The following PLA2G2C variants were observed in gnomAD, a reference collection of about 807,000 sequenced individuals.
The protein encoded by PLA2G2C is phospholipase A2 group IIC.
A neutral mutation model predicts 14.3 loss-of-function variants in PLA2G2C; 15 were observed. The observed-to-expected ratio is 1.05, with a 90% CI of 0.70 to 1.62. The LOEUF (loss-of-function observed/expected upper bound fraction) is 1.62, where lower values mean the gene tolerates loss of function less well. Ranked by LOEUF, PLA2G2C falls within the 40% of genes most tolerant of loss-of-function variation. The pLI, the probability that PLA2G2C is intolerant of heterozygous loss-of-function variation, is 0.00. For synonymous variants in PLA2G2C, 79 were observed against 67.7 expected, an observed-to-expected ratio of 1.17 and a Z score of -0.82; for missense variants, 162 against 173.2, an observed-to-expected ratio of 0.94 and a Z score of 0.36.
chr1:20,178,337 A>C (rs2018221810), intron 1 of PLA2G2C, among the ~76,000 whole-genome samples: 1 of 152,210 alleles, frequency 6.6e-6, no homozygotes, highest in African/African-American at 2.4e-5. Context: ...AGTGTGAAAC[A>C]ATAGCTCGGT....
intron 2 of PLA2G2C, among the ~76,000 whole-genome samples, chr1:20,176,449 G>A (rs948601308): frequency 6.6e-6 from 1 of 152,160 alleles, no homozygotes; most frequent in African/African-American, 2.4e-5. Flanking sequence ...ACATGAACTT[G>A]AAGAAGAGAA....
rs578058366 is a variant in PLA2G2C at position 20,179,302 on chromosome 1, A to G, written c.-76-1863T>C. 3.4e-4 allele frequency among the ~76,000 whole-genome samples: 48 copies of G among 141,084 alleles called. 1 individual carries two copies. The highest frequency in any genetic ancestry group is 1.2e-3 in the African/African-American group (46 of 37,294). 92.6% of individuals were successfully genotyped at this position (141,084 alleles called of 152,430 possible). A position where few individuals can be genotyped will look rare whatever the true frequency, so the allele number is the denominator to read the frequency against. On this transcript the variant is annotated intron_variant, in intron 1 of 4. Transcript: ENST00000679259. ...TTTCTGTGTGTGTGTGTGCGCGCGC[A>G]CGTGCGTGCTAGCTTGTTCCTCTGT...
intron 4 of PLA2G2C, 22 bp from the exon 5 acceptor site, chr1:20,164,179 C>T: frequency 1.2e-6 from 2 of 1,601,360 alleles, no homozygotes; most frequent in Non-Finnish European, 1.7e-6. Flanking sequence ...CAGAGGGTCA[C>T]TGGGGGCTCC....
At position 20,164,050 on chromosome 1, in the gene PLA2G2C, T is replaced by C; in HGVS notation, c.391A>G (p.Lys131Glu). The C allele has an allele frequency of 1.2e-6, 2 of 1,613,796 alleles. No individual in the cohort carries two copies. Among genetic ancestry groups the C allele is most frequent in the South Asian group, 2.2e-5 (2 of 91,020 alleles). ...TGGCTGGAGAACTGCTTGAAGTTTT[T>C]CTCATAGGTGGGCAGGCTCTCTTTG... The part of the protein sequence containing the change: ...CFKESLPTYE[K>E]NFKQFSSQPR... Residue 131 changes from lysine (K) to glutamate (E), a missense_variant, in exon 5 of 5, where the codon AAA (lysine) becomes GAA (glutamate). Coordinates refer to ENST00000679259, the MANE Select transcript of PLA2G2C (RefSeq NM_001367969.2).
intron 4 of PLA2G2C, among the ~76,000 whole-genome samples, chr1:20,165,973 C>G (rs1466427880): frequency 6.6e-6 from 1 of 152,222 alleles, no homozygotes; most frequent in Non-Finnish European, 1.5e-5. Flanking sequence ...TCAGCTTCCT[C>G]ATCTATGAAA....
intron 4 of PLA2G2C, among the ~76,000 whole-genome samples, chr1:20,171,998 C>T (rs1304065435): frequency 6.6e-6 from 1 of 151,714 alleles, no homozygotes. Flanking sequence ...CTCCTGACCT[C>T]GTGATCCGCC....
chr1:20,177,504 G>A, intron 1 of PLA2G2C, 65 bp from the exon 2 acceptor site: 1 of 542,742 alleles, frequency 1.8e-6, no homozygotes, highest in South Asian at 2.6e-5. Flanking sequence ...TAATTGTAGT[G>A]CCTTGGAAAG....
chr1:20,174,424 G>A (rs1389802358), intron 3 of PLA2G2C, among the ~76,000 whole-genome samples: 1 of 152,162 alleles, frequency 6.6e-6, no homozygotes, highest in Non-Finnish European at 1.5e-5. Context: ...CTGAAGCCAG[G>A]TTTGTGCCAT....
chr1:20,164,055 T>C lies in PLA2G2C; in HGVS notation c.386A>G (p.Tyr129Cys), dbSNP rs2017917548. 2 of 1,613,732 alleles carry C rather than the reference T, an allele frequency of 1.2e-6. No individual in the cohort carries two copies. Among genetic ancestry groups the C allele is most frequent in the South Asian group, 1.1e-5 (1 of 91,038 alleles). The change falls in exon 5 of 5, where the codon TAT becomes TGT. Residue 129 changes from tyrosine to cysteine, a missense_variant. Coordinates refer to ENST00000679259, the MANE Select transcript of PLA2G2C (RefSeq NM_001367969.2). ...VHCFKESLPTYEKNFKQFSSQ... is the reference protein window; with the variant it reads ...VHCFKESLPTCEKNFKQFSSQ... ...GGAGAACTGCTTGAAGTTTTTCTCA[T>C]AGGTGGGCAGGCTCTCTTTGAAGCA...
chr1:20,185,217 TCTAA>T (rs1209633215), intron 1 of PLA2G2C, among the ~76,000 whole-genome samples: 1 of 151,678 alleles, frequency 6.6e-6, no homozygotes, highest in African/African-American at 2.4e-5. Flanking sequence ...GGGCTGAGAG[TCTAA>T]CTGAGGTTAG....
At chr1:20,181,630 G>A (rs1480576712) in intron 1 of PLA2G2C, among the ~76,000 whole-genome samples, 1 of 152,034 alleles carries the variant, frequency 6.6e-6, no homozygotes, top group East Asian at 1.9e-4. Flanking sequence ...TCTTGTTTTA[G>A]ATGCAGTTCT....
chr1:20,182,467 A>G (rs2018291228), intron 1 of PLA2G2C, among the ~76,000 whole-genome samples: 1 of 152,224 alleles, frequency 6.6e-6, no homozygotes, highest in South Asian at 2.1e-4. Context: ...CTAGGTGTGT[A>G]GCAGGCTAGA....
intron 4 of PLA2G2C, among the ~76,000 whole-genome samples, chr1:20,171,758 C>CTTTTT (rs10710359): frequency 2.5e-5 from 3 of 121,524 alleles, no homozygotes; most frequent in Admixed American, 9.1e-5. Context: ...GCCACTTCTT[C>CTTTTT]TTTTTTTTTT....
intron 1 of PLA2G2C, among the ~76,000 whole-genome samples, chr1:20,183,072 C>T (rs1186317004): frequency 2.0e-5 from 3 of 152,196 alleles, no homozygotes; most frequent in Non-Finnish European, 2.9e-5. Flanking sequence ...CAAGTTCCTG[C>T]CTTCAAGGAG....
At chr1:20,175,819 T>C (rs1340544246) in intron 2 of PLA2G2C, among the ~76,000 whole-genome samples, 2 of 152,162 alleles carry the variant, frequency 1.3e-5, no homozygotes, top group Non-Finnish European at 2.9e-5. Context: ...CAATTGGGAT[T>C]GAAGAGAGAG....
In PLA2G2C at chr1:20,179,623, CTG is replaced by C. The variant is rs113566701; in HGVS notation, c.-76-2186_-76-2185del. The stretch of plus-strand genomic sequence containing the variant: ...TCAGCTTCTCCCTCTGTGTCAGTTT[CTG>C]TGTGTGTGTGTGTGTTAGCTTGTCC... On this transcript the variant is annotated intron_variant, in intron 1 of 4. Transcript: ENST00000679259. Among the ~76,000 whole-genome samples, 951 of 139,992 alleles carry C rather than the reference CTG, an allele frequency of 6.8e-3. 16 individuals carry two copies. Among genetic ancestry groups the C allele is most frequent in the African/African-American group, 0.024 (892 of 37,276 alleles). The allele number at this position is 139,992 out of a possible 152,430, so 91.8% of individuals were successfully genotyped here. A position where few individuals can be genotyped will look rare whatever the true frequency, so the allele number is the denominator to read the frequency against.
chr1:20,175,246 A>G, intron 2 of PLA2G2C, 101 bp from the exon 3 acceptor site: 1 of 1,547,152 alleles, frequency 6.5e-7, no homozygotes, highest in Non-Finnish European at 8.8e-7. Context: ...CATTCGAAAT[A>G]TCACCAGATC....
chr1:20,177,296 G>A lies in PLA2G2C; in HGVS notation c.40+28C>T, dbSNP rs780741336. 3 of 700,414 alleles carry A rather than the reference G, an allele frequency of 4.3e-6. No individual in the cohort carries two copies. In the African/African-American group the frequency reaches 5.2e-5, roughly 12 times the overall value. The allele number at this position is 700,414 out of a possible 1,614,324, so 43.4% of individuals were successfully genotyped here. On this transcript the variant is annotated intron_variant, in intron 2 of 4. Transcript: ENST00000679259. Reference sequence around the variant, plus strand: ...ACATAAACAGGAAGACAGAAGCTTGGTGCTGACCCACCAAGCTCTCTACTT... The same window carrying A: ...ACATAAACAGGAAGACAGAAGCTTGATGCTGACCCACCAAGCTCTCTACTT...
At chr1:20,172,058 C>T (rs943236814) in intron 4 of PLA2G2C, among the ~76,000 whole-genome samples, 9 of 152,034 alleles carry the variant, frequency 5.9e-5, no homozygotes, top group African/African-American at 1.2e-4. Context: ...CCACCGCGCC[C>T]GGCCAAGAAG....
Sources: gnomAD v4.1 joint callset for allele counts (sites outside exome capture counted in the v4.1 genomes callset) on GRCh38, gnomAD v4.1.1 for gene constraint, MANE v1.5 for transcripts, NCBI Gene and HGNC (gene_info 2026-07-23, HGNC 2026-07-21) for gene names.